Variants in ADARB2 observed in about 807,000 individuals in gnomAD.
ADARB2 encodes inactive double-stranded RNA-specific editase B2.
Under a neutral mutation model 62.2 loss-of-function variants are expected in ADARB2, and 25 were observed. The ratio of observed to expected loss-of-function variants is 0.40; its 90% CI spans 0.29 to 0.56. The LOEUF (loss-of-function observed/expected upper bound fraction) is 0.56. Among genes scored for constraint, ADARB2 ranks in the 20% least tolerant of loss-of-function variants. The pLI is 0.43. For synonymous variants in ADARB2, 572 were observed against 500.8 expected, an observed-to-expected ratio of 1.14 and a Z score of -1.90; for missense variants, 1,071 against 1,077.4, an observed-to-expected ratio of 0.99 and a Z score of 0.08.
intron 1 of ADARB2, among the ~76,000 whole-genome samples, chr10:1,472,787 C>T (rs1357224547): frequency 6.6e-6 from 1 of 152,138 alleles, no homozygotes; most frequent in African/African-American, 2.4e-5. Flanking sequence ...GGGGGCAGGG[C>T]CACGCTCCTC....
At chr10:1,609,903 C>G (rs1318389786) in intron 1 of ADARB2, among the ~76,000 whole-genome samples, 1 of 152,254 alleles carries the variant, frequency 6.6e-6, no homozygotes, top group Non-Finnish European at 1.5e-5. Context: ...AGGGCGCTGA[C>G]AGTCCCCGTC....
intron 1 of ADARB2, among the ~76,000 whole-genome samples, chr10:1,673,728 C>T (rs1001333993): frequency 4.6e-5 from 7 of 152,158 alleles, no homozygotes; most frequent in Non-Finnish European, 8.8e-5. Flanking sequence ...GGGCTCAGGA[C>T]GGGGAACAGG....
chr10:1,379,426 A>G (rs1832462497), intron 1 of ADARB2, among the ~76,000 whole-genome samples: 2 of 152,032 alleles, frequency 1.3e-5, no homozygotes, highest in South Asian at 4.2e-4. Context: ...ATGTCCCTTA[A>G]AACTTGCTAT....
intron 4 of ADARB2, among the ~76,000 whole-genome samples, chr10:1,243,137 G>A (rs1830943779): frequency 1.3e-5 from 2 of 152,236 alleles, no homozygotes; most frequent in Admixed American, 6.5e-5. Context: ...AGACGGGTCA[G>A]TGTTGCCGAT....
chr10:1,458,297 G>A (rs1831122444), intron 1 of ADARB2, among the ~76,000 whole-genome samples: 1 of 152,182 alleles, frequency 6.6e-6, no homozygotes, highest in Non-Finnish European at 1.5e-5. Context: ...TGCAGTTGCT[G>A]TCAATCTCCT....
At chr10:1,292,775 A>T (rs1226781562) in intron 3 of ADARB2, 1 of 152,194 alleles carries the variant, frequency 6.6e-6, no homozygotes, top group African/African-American at 2.4e-5. Context: ...AGGACACCCC[A>T]ACGGGGAACA....
intron 1 of ADARB2, among the ~76,000 whole-genome samples, chr10:1,533,215 T>G (rs1832272926): frequency 6.6e-6 from 1 of 151,682 alleles, no homozygotes; most frequent in Non-Finnish European, 1.5e-5. Context: ...GCCTCCCTGG[T>G]TCGAGCGATT....
intron 1 of ADARB2, among the ~76,000 whole-genome samples, chr10:1,671,152 C>A (rs977850898): frequency 6.6e-6 from 1 of 152,206 alleles, no homozygotes; most frequent in Non-Finnish European, 1.5e-5. Flanking sequence ...GGTTACTTCT[C>A]CTCTTCCCAG....
intron 3 of ADARB2, among the ~76,000 whole-genome samples, chr10:1,284,488 C>G (rs1831395951): frequency 6.6e-6 from 1 of 152,194 alleles, no homozygotes; most frequent in African/African-American, 2.4e-5. Context: ...TGCCTCCACC[C>G]ACAGCACGGG....
chr10:1,647,098 G>A (rs907244931), intron 1 of ADARB2, among the ~76,000 whole-genome samples: 1 of 152,250 alleles, frequency 6.6e-6, no homozygotes, highest in Admixed American at 6.5e-5. Flanking sequence ...AGTGCCTGCT[G>A]CTCTGGAGGC....
Position 1,363,199 on chromosome 10 carries a change from G to A in ADARB2, c.906C>T (p.Arg302=). ...TCACGGCCATCACGAAGCTCCGCGCGCGCCGCTCGGCCGGTTCTGCCAGAC... is the reference window on the plus strand; with the variant it reads ...TCACGGCCATCACGAAGCTCCGCGCACGCCGCTCGGCCGGTTCTGCCAGAC... ...YVCLAEPAER[R]ARSFVMAVSV... is the part of the protein sequence containing the mutation. The change falls in exon 3 of 10, where the codon CGC becomes CGT. Residue 302 remains arginine (R), a synonymous_variant. Transcript: ENST00000381312. 2.0e-6 allele frequency: 3 copies of A among 1,485,132 alleles called. No homozygotes were observed. The highest frequency in any genetic ancestry group is 1.8e-6 in the Non-Finnish European group (2 of 1,120,854). 92.0% of individuals were successfully genotyped at this position (1,485,132 alleles called of 1,614,324 possible).
chr10:1,608,202 A>G (rs752775843), intron 1 of ADARB2, among the ~76,000 whole-genome samples: 11 of 152,202 alleles, frequency 7.2e-5, no homozygotes, highest in South Asian at 4.1e-4. Context: ...GAAAGTCCAT[A>G]AGATATTAAA....
intron 1 of ADARB2, among the ~76,000 whole-genome samples, chr10:1,544,606 G>A (rs1029652055): frequency 1.3e-5 from 2 of 152,160 alleles, no homozygotes; most frequent in African/African-American, 4.8e-5. Flanking sequence ...GCCTGGACAG[G>A]GGGTACAGGG....
At chr10:1,268,593 T>C (rs1194781226) in intron 4 of ADARB2, among the ~76,000 whole-genome samples, 1 of 152,246 alleles carries the variant, frequency 6.6e-6, no homozygotes, top group Non-Finnish European at 1.5e-5. Context: ...TTCTTAGGTA[T>C]TTGCTTGAAT....
intron 1 of ADARB2, among the ~76,000 whole-genome samples, chr10:1,496,085 A>T (rs1212135402): frequency 6.6e-6 from 1 of 151,972 alleles, no homozygotes; most frequent in Non-Finnish European, 1.5e-5. Flanking sequence ...TATCATCGTC[A>T]TCACCATCAT....
intron 1 of ADARB2, among the ~76,000 whole-genome samples, chr10:1,710,685 C>A (rs1834939863): frequency 6.6e-6 from 1 of 152,220 alleles, no homozygotes; most frequent in Admixed American, 6.5e-5. Context: ...TGCAGAGAGG[C>A]ACGAGGAATG....
chr10:1,645,414 G>A (rs1203447816), intron 1 of ADARB2, among the ~76,000 whole-genome samples: 2 of 152,202 alleles, frequency 1.3e-5, no homozygotes, highest in Non-Finnish European at 2.9e-5. Flanking sequence ...AACTCCCACT[G>A]CCCCTGCAGT....
chr10:1,481,824 T>G (rs1479468212), intron 1 of ADARB2, among the ~76,000 whole-genome samples: 2 of 142,166 alleles, frequency 1.4e-5, no homozygotes, highest in Non-Finnish European at 3.0e-5. Flanking sequence ...GCCACTGCAC[T>G]CCAGCCTGGA....
chr10:1,539,015 C>T (rs1832373062), intron 1 of ADARB2, among the ~76,000 whole-genome samples: 1 of 152,182 alleles, frequency 6.6e-6, no homozygotes. Context: ...GGGCAGAGAC[C>T]TGCCTGGCTC....
Sources: gnomAD v4.1 joint callset for allele counts (sites outside exome capture counted in the v4.1 genomes callset) on GRCh38, gnomAD v4.1.1 for gene constraint, MANE v1.5 for transcripts, NCBI Gene and HGNC (gene_info 2026-07-23, HGNC 2026-07-21) for gene names.